Variants in SLC2A13 observed in about 807,000 individuals in gnomAD.
SLC2A13 encodes the protein proton myo-inositol cotransporter.
In SLC2A13, 32 loss-of-function variants were observed where a neutral mutation model predicts 64.4. The observed-to-expected ratio is 0.50, with a 90% CI of 0.37 to 0.67. The LOEUF (loss-of-function observed/expected upper bound fraction) is 0.67, where lower values mean the gene tolerates loss of function less well. Ranked by LOEUF, SLC2A13 falls within the 30% of genes least tolerant of loss-of-function variation. The pLI is 0.00. For synonymous variants in SLC2A13, 338 were observed against 327.1 expected, an observed-to-expected ratio of 1.03 and a Z score of -0.36; for missense variants, 743 against 829.2, an observed-to-expected ratio of 0.90 and a Z score of 1.28.
intron 3 of SLC2A13, among the ~76,000 whole-genome samples, chr12:40,011,391 C>G (rs1361672001): frequency 6.6e-6 from 1 of 152,282 alleles, no homozygotes; most frequent in Admixed American, 6.5e-5. Flanking sequence ...GGATCAGGAG[C>G]TTTCAGTTTC....
intron 3 of SLC2A13, among the ~76,000 whole-genome samples, chr12:40,001,218 G>A (rs1245935252): frequency 6.6e-6 from 1 of 152,160 alleles, no homozygotes; most frequent in Admixed American, 6.5e-5. Context: ...ACAAAAAACT[G>A]CATTGCCAAA....
rs755963967 is a variant in SLC2A13, at chr12:39,759,993, G to C, written c.*33C>G. 1.3e-6 allele frequency: 2 copies of C among 1,553,784 alleles called. No individual in the cohort carries two copies. Among genetic ancestry groups the C allele is most frequent in the Non-Finnish European group, 1.8e-6 (2 of 1,128,172 alleles). Reference sequence around the variant, plus strand: ...ATTGCTGTTCTTCTCCCCCCAGTTTGTTTAAATAACTAAATATATGAGCAG... The same window carrying C: ...ATTGCTGTTCTTCTCCCCCCAGTTTCTTTAAATAACTAAATATATGAGCAG... On this transcript the variant is annotated 3_prime_UTR_variant, in exon 10 of 10. Coordinates refer to ENST00000280871, the MANE Select transcript of SLC2A13 (RefSeq NM_052885.4).
chr12:40,100,968 A>AC (rs1383700866), intron 1 of SLC2A13, among the ~76,000 whole-genome samples: 5 of 103,058 alleles, frequency 4.9e-5, no homozygotes, highest in African/African-American at 1.8e-4. Context: ...TCCATCTCAG[A>AC]CAAAAAAAAA....
At chr12:40,047,549 GAT>G (rs2136236599) in intron 2 of SLC2A13, among the ~76,000 whole-genome samples, 1 of 152,072 alleles carries the variant, frequency 6.6e-6, no homozygotes, top group African/African-American at 2.4e-5. Flanking sequence ...GTCATTTATT[GAT>G]TCAAAATAAG....
chr12:39,943,674 A>T (rs1946080785), intron 4 of SLC2A13, among the ~76,000 whole-genome samples: 1 of 152,154 alleles, frequency 6.6e-6, no homozygotes, highest in Non-Finnish European at 1.5e-5. Context: ...AAGCCAGTGG[A>T]TCTTAGCTTG....
At chr12:39,779,660 T>C (rs1177619856) in intron 7 of SLC2A13, among the ~76,000 whole-genome samples, 1 of 152,204 alleles carries the variant, frequency 6.6e-6, no homozygotes, top group Non-Finnish European at 1.5e-5. Flanking sequence ...AGAGAAGACA[T>C]ATATTTGCTG....
intron 7 of SLC2A13, among the ~76,000 whole-genome samples, chr12:39,815,121 T>C (rs1942304473): frequency 6.6e-6 from 1 of 152,206 alleles, no homozygotes; most frequent in South Asian, 2.1e-4. Flanking sequence ...GGTCAGTTAC[T>C]GAGTCCAGAC....
chr12:39,786,316 G>T (rs1350178447), intron 7 of SLC2A13, among the ~76,000 whole-genome samples: 1 of 151,340 alleles, frequency 6.6e-6, no homozygotes, highest in Non-Finnish European at 1.5e-5. Context: ...TTTCCTCTTT[G>T]CTTCCTCCTC....
chr12:40,014,763 G>A (rs1370090216), intron 3 of SLC2A13, among the ~76,000 whole-genome samples: 1 of 152,170 alleles, frequency 6.6e-6, no homozygotes, highest in Admixed American at 6.5e-5. Flanking sequence ...GAAGTACTGG[G>A]ATTACAGGCG....
chr12:39,961,953 A>G (rs1299193115), intron 3 of SLC2A13, among the ~76,000 whole-genome samples: 1 of 152,224 alleles, frequency 6.6e-6, no homozygotes, highest in Non-Finnish European at 1.5e-5. Context: ...ACTTTAATAC[A>G]TGTACCAAAA....
chr12:39,824,632 G>A (rs954464020), intron 7 of SLC2A13, among the ~76,000 whole-genome samples: 1 of 152,178 alleles, frequency 6.6e-6, no homozygotes, highest in Admixed American at 6.5e-5. Context: ...AGGCCAGGTT[G>A]CCTCACACTG....
intron 1 of SLC2A13, among the ~76,000 whole-genome samples, chr12:40,085,146 G>A (rs1346253619): frequency 6.6e-6 from 1 of 152,190 alleles, no homozygotes; most frequent in Non-Finnish European, 1.5e-5. Context: ...CAACAGTGGA[G>A]GACTCCACCT....
chr12:39,856,358 CTTTAT>C (rs776737078), intron 6 of SLC2A13, among the ~76,000 whole-genome samples: 1 of 151,970 alleles, frequency 6.6e-6, no homozygotes, highest in Non-Finnish European at 1.5e-5. Flanking sequence ...CTTTGCTATG[CTTTAT>C]TTTATTTATT....
chr12:39,973,249 A>C (rs1313920914), intron 3 of SLC2A13, among the ~76,000 whole-genome samples: 1 of 152,158 alleles, frequency 6.6e-6, no homozygotes, highest in African/African-American at 2.4e-5. Context: ...TCTCACCTAA[A>C]CTAAGCGCAG....
intron 4 of SLC2A13, among the ~76,000 whole-genome samples, chr12:39,916,511 C>T (rs1945523630): frequency 6.6e-6 from 1 of 152,090 alleles, no homozygotes. Flanking sequence ...ACCACATACA[C>T]TGGCATTCTA....
chr12:40,074,704 T>C (rs1001888455), intron 1 of SLC2A13, among the ~76,000 whole-genome samples: 12 of 152,114 alleles, frequency 7.9e-5, no homozygotes, highest in African/African-American at 2.7e-4. Flanking sequence ...AGCCCATTTT[T>C]CCCCCTTTTA....
intron 7 of SLC2A13, among the ~76,000 whole-genome samples, chr12:39,800,003 AC>A (rs1168835293): frequency 1.3e-5 from 2 of 152,186 alleles, no homozygotes; most frequent in East Asian, 3.8e-4. Context: ...ATTGATGTCT[AC>A]CTTTTTTTGC....
At position 39,917,313 on chromosome 12, in the gene SLC2A13, A is replaced by G. The variant is rs73278632; in HGVS notation, c.1034+33944T>C. On this transcript the variant is annotated intron_variant, in intron 4 of 9. Transcript: ENST00000280871. Reference sequence around the variant, plus strand: ...TTATTCAGAAGAAATGGCATGTGCAAAAGCATGCGGTAGGAAAGAGGGTAT... The same window carrying G: ...TTATTCAGAAGAAATGGCATGTGCAGAAGCATGCGGTAGGAAAGAGGGTAT... Among the ~76,000 whole-genome samples, 1,263 of 152,212 alleles carry G rather than the reference A, an allele frequency of 8.3e-3. 24 individuals are homozygous for G. The highest frequency in any genetic ancestry group is 0.029 in the African/African-American group (1,195 of 41,470).
intron 7 of SLC2A13, among the ~76,000 whole-genome samples, chr12:39,794,432 GCC>G: frequency 6.6e-6 from 1 of 152,292 alleles, no homozygotes; most frequent in Non-Finnish European, 1.5e-5. Context: ...TTTAAATTCT[GCC>G]TAAAGGTTTC....
Sources: gnomAD v4.1 joint callset for allele counts (sites outside exome capture counted in the v4.1 genomes callset) on GRCh38, gnomAD v4.1.1 for gene constraint, MANE v1.5 for transcripts, NCBI Gene and HGNC (gene_info 2026-07-23, HGNC 2026-07-21) for gene names.